LMF1: variants seen among roughly 807,000 people sequenced by gnomAD.
LMF1 encodes lipase maturation factor 1, also known as transmembrane protein 112.
Under a neutral mutation model 60.6 loss-of-function variants are expected in LMF1, and 68 were observed. The observed-to-expected ratio is 1.12, with a 90% confidence interval of 0.92 to 1.37. LMF1 has a LOEUF of 1.37. Among genes scored for constraint, LMF1 ranks in the 40% most tolerant of loss-of-function variants. The pLI, the probability that LMF1 is intolerant of heterozygous loss-of-function variation, is 0.00. For synonymous variants in LMF1, 418 were observed against 324.7 expected, an observed-to-expected ratio of 1.29 and a Z score of -3.09; for missense variants, 948 against 767.2, an observed-to-expected ratio of 1.24 and a Z score of -2.78.
chr16:943,820 C>G (rs2382947), intron 2 of LMF1, among the ~76,000 whole-genome samples: 72,095 of 151,448 alleles, frequency 0.48, 18,778 homozygotes, highest in African/African-American at 0.69. Flanking sequence ...TCTACGTGTG[C>G]TATCTTGGCT....
chr16:934,394 G>T (rs982375286), intron 2 of LMF1, 140 bp from the exon 3 acceptor site: 16 of 1,036,330 alleles, frequency 1.5e-5, no homozygotes, highest in Non-Finnish European at 2.3e-5. Flanking sequence ...GGACCTGCCC[G>T]CTGGGCATTA....
chr16:875,483 G>C (rs1311545066), intron 6 of LMF1, among the ~76,000 whole-genome samples: 1 of 152,184 alleles, frequency 6.6e-6, no homozygotes, highest in African/African-American at 2.4e-5. Flanking sequence ...CAGCCCTCAA[G>C]TGACTCCCAC....
At chr16:924,420 A>T (rs1364878187) in intron 3 of LMF1, among the ~76,000 whole-genome samples, 2 of 152,108 alleles carry the variant, frequency 1.3e-5, no homozygotes, top group African/African-American at 2.4e-5. Flanking sequence ...ATTTTTTTTT[A>T]ATAATTAAAA....
intron 3 of LMF1, chr16:931,541 G>T: frequency 9.8e-7 from 1 of 1,015,406 alleles, no homozygotes; most frequent in Non-Finnish European, 1.3e-6. Context: ...TCCCGAACGA[G>T]GCCACAGGAA....
intron 1 of LMF1, among the ~76,000 whole-genome samples, chr16:956,413 A>G (rs1437570283): frequency 1.3e-5 from 2 of 152,268 alleles, no homozygotes; most frequent in African/African-American, 4.8e-5. Flanking sequence ...AAAGCAGTTG[A>G]AAGTAAAAAA....
At chr16:931,566 A>G in intron 3 of LMF1, 2 of 1,205,984 alleles carry the variant, frequency 1.7e-6, no homozygotes, top group Admixed American at 2.4e-5. Context: ...GCCTCCCCAG[A>G]GGTCTCAGAT....
At chr16:906,339 C>A (rs925242892) in intron 4 of LMF1, among the ~76,000 whole-genome samples, 1 of 152,166 alleles carries the variant, frequency 6.6e-6, no homozygotes, top group Non-Finnish European at 1.5e-5. Context: ...GAGGAGATTC[C>A]TGTTTGGGTC....
chr16:976,846 A>C, intron 1 of LMF1: 3 of 454,106 alleles, frequency 6.6e-6, no homozygotes, highest in Non-Finnish European at 1.3e-5. Flanking sequence ...AATCCTTTCC[A>C]CATGCGAACA....
intron 5 of LMF1, among the ~76,000 whole-genome samples, chr16:880,013 G>A (rs117687927): frequency 3.3e-5 from 5 of 152,314 alleles, no homozygotes; most frequent in Non-Finnish European, 5.9e-5. Context: ...AAGGAGAGAC[G>A]ACACCTGTAA....
chr16:979,862 G>C (rs2073292042), intron 1 of LMF1: 1 of 431,222 alleles, frequency 2.3e-6, no homozygotes, highest in Admixed American at 2.4e-5. Context: ...TGCATCCCAG[G>C]CCTAACAGAT....
chr16:943,873 G>C (rs1301657624), intron 2 of LMF1, among the ~76,000 whole-genome samples: 1 of 151,842 alleles, frequency 6.6e-6, no homozygotes, highest in African/African-American at 2.4e-5. Context: ...TTCCTGTATA[G>C]GGATCCTATT....
At chr16:859,211 G>A (rs578090042) in intron 10 of LMF1, among the ~76,000 whole-genome samples, 2 of 128,166 alleles carry the variant, frequency 1.6e-5, no homozygotes, top group African/African-American at 3.7e-5. Context: ...GTGGTGTCTC[G>A]GGACGGGTGT....
intron 2 of LMF1, among the ~76,000 whole-genome samples, chr16:937,615 C>T (rs1012617665): frequency 2.0e-5 from 3 of 152,256 alleles, no homozygotes; most frequent in East Asian, 1.9e-4. Context: ...ATGCTGCACA[C>T]GGCCCCAGCA....
At chr16:945,198 C>T (rs1202135745) in intron 2 of LMF1, among the ~76,000 whole-genome samples, 24 of 104,894 alleles carry the variant, frequency 2.3e-4, no homozygotes, top group African/African-American at 5.1e-4. Flanking sequence ...GCGACAAGAG[C>T]GAGACTCCAT....
At chr16:963,126 G>A (rs2072847379) in intron 1 of LMF1, among the ~76,000 whole-genome samples, 1 of 152,068 alleles carries the variant, frequency 6.6e-6, no homozygotes, top group Admixed American at 6.5e-5. Context: ...GCTGGACACA[G>A]GGTGGACATG....
chr16:947,871 G>A (rs985899220), intron 2 of LMF1, among the ~76,000 whole-genome samples: 1 of 151,992 alleles, frequency 6.6e-6, no homozygotes, highest in South Asian at 2.1e-4. Flanking sequence ...CAATGACAGA[G>A]TCAGCCAACG....
intron 4 of LMF1, among the ~76,000 whole-genome samples, chr16:907,645 C>A (rs542836694): frequency 9.9e-5 from 15 of 152,114 alleles, no homozygotes; most frequent in African/African-American, 3.6e-4. Context: ...GCCAAGCTGA[C>A]GGTGCGGCGC....
rs1330941326 is a variant in LMF1, at chr16:954,589, G to A, written c.271C>T (p.Leu91=). Residue 91 remains leucine (L), a synonymous_variant, in exon 2 of 11, where the codon CTG becomes TTG. Coordinates refer to ENST00000262301, the MANE Select transcript of LMF1 (RefSeq NM_022773.4). The part of the protein sequence containing the change: ...DRGLLPCRVF[L]KNFQQYFQDR... The stretch of plus-strand genomic sequence containing the variant: ...TGGAAGTACTGCTGGAAGTTCTTCA[G>A]GAACACTCTGCAGGGAAGCAGCCCC... 1 of 1,612,938 alleles carries A rather than the reference G, an allele frequency of 6.2e-7. No individual in the cohort carries two copies. Among genetic ancestry groups the A allele is most frequent in the Non-Finnish European group, 8.5e-7 (1 of 1,179,570 alleles).
At chr16:908,760 G>A (rs1479500203) in intron 4 of LMF1, among the ~76,000 whole-genome samples, 1 of 152,260 alleles carries the variant, frequency 6.6e-6, no homozygotes, top group African/African-American at 2.4e-5. Flanking sequence ...AGGACCTAGA[G>A]TAAGCACCCA....
Sources: allele counts gnomAD v4.1 joint callset (sites outside exome capture counted in the v4.1 genomes callset), GRCh38; gene constraint gnomAD v4.1.1; transcripts MANE v1.5; gene names NCBI Gene and HGNC (gene_info 2026-07-23, HGNC 2026-07-21).